Variants in ANKIB1 observed in about 807,000 individuals in gnomAD.
The protein encoded by ANKIB1 is ankyrin repeat and IBR domain-containing protein 1.
In ANKIB1, 43 loss-of-function variants were observed where a neutral mutation model predicts 122.1. The observed-to-expected ratio is 0.35, with a 90% CI of 0.28 to 0.45. ANKIB1 has a LOEUF of 0.45. ANKIB1 is among the 20% of genes least tolerant of loss of function. ANKIB1 has a pLI of 1.00. For missense variants in ANKIB1, 992 were observed against 1,329.5 expected (o/e 0.75, Z 3.95); for synonymous variants, 390 against 442.0 (o/e 0.88, Z 1.48).
chr7:92,373,956 G>A (rs1384912826), intron 11 of ANKIB1, among the ~76,000 whole-genome samples: 3 of 151,984 alleles, frequency 2.0e-5, no homozygotes, highest in Admixed American at 6.6e-5. Context: ...ATGCTATAAC[G>A]TTTTTTCCAT....
intron 14 of ANKIB1, among the ~76,000 whole-genome samples, chr7:92,388,926 A>G (rs1025273453): frequency 2.0e-5 from 3 of 152,224 alleles, no homozygotes; most frequent in Admixed American, 6.5e-5. Flanking sequence ...GGCAATATCA[A>G]ACTCTTGAAG....
At chr7:92,355,432 C>G (rs1281401536) in intron 9 of ANKIB1, among the ~76,000 whole-genome samples, 1 of 152,190 alleles carries the variant, frequency 6.6e-6, no homozygotes, top group Non-Finnish European at 1.5e-5. Flanking sequence ...TCTTTTTACT[C>G]TGGTCCCTTT....
intron 1 of ANKIB1, among the ~76,000 whole-genome samples, chr7:92,284,745 G>C (rs1802082376): frequency 6.6e-6 from 1 of 151,502 alleles, no homozygotes; most frequent in African/African-American, 2.4e-5. Flanking sequence ...AATGGAACTT[G>C]TGATTTACTT....
intron 11 of ANKIB1, among the ~76,000 whole-genome samples, chr7:92,381,430 A>G (rs1246198396): frequency 6.6e-6 from 1 of 152,194 alleles, no homozygotes. Flanking sequence ...ACCCCAAGGC[A>G]CATAATTGTC....
Position 92,343,271 on chromosome 7 carries a change from T to G in ANKIB1, c.996+39T>G, listed in dbSNP as rs1447181519. 3 of 1,531,324 alleles carry G rather than the reference T, an allele frequency of 2.0e-6. No homozygotes were observed. In the Admixed American group the frequency reaches 5.4e-5, roughly 28 times the overall value. The allele number at this position is 1,531,324 out of a possible 1,614,324, so 94.9% of individuals were successfully genotyped here. ...TTCACTGTACTTCTCATAGCTTTGTTTATAGTCTTTTAACATTCAAATGAT... is the reference window on the plus strand; with the variant it reads ...TTCACTGTACTTCTCATAGCTTTGTGTATAGTCTTTTAACATTCAAATGAT... On this transcript the variant is annotated intron_variant, in intron 6 of 19. Coordinates refer to ENST00000265742, the MANE Select transcript of ANKIB1 (RefSeq NM_019004.2).
intron 2 of ANKIB1, among the ~76,000 whole-genome samples, chr7:92,296,424 C>T (rs1211155803): frequency 6.6e-6 from 1 of 152,030 alleles, no homozygotes; most frequent in African/African-American, 2.4e-5. Context: ...TGGGATCTTG[C>T]TGTGTTGCCC....
chr7:92,325,858 C>G (rs1803017082), intron 4 of ANKIB1: 1 of 414,170 alleles, frequency 2.4e-6, no homozygotes, highest in Non-Finnish European at 4.8e-6. Context: ...GTAGTATGCA[C>G]TAATGCAAAA....
intron 7 of ANKIB1, among the ~76,000 whole-genome samples, chr7:92,350,063 C>G (rs1421296926): frequency 6.6e-6 from 1 of 151,428 alleles, no homozygotes; most frequent in Non-Finnish European, 1.5e-5. Flanking sequence ...TTTAATCTAA[C>G]CTTGGGCTAG....
intron 2 of ANKIB1, among the ~76,000 whole-genome samples, chr7:92,296,659 A>C (rs1289113910): frequency 6.6e-6 from 1 of 152,104 alleles, no homozygotes; most frequent in Admixed American, 6.6e-5. Flanking sequence ...ATATTTTACA[A>C]TTTTGTATAG....
At chr7:92,280,758 A>C (rs868090096) in intron 1 of ANKIB1, among the ~76,000 whole-genome samples, 15 of 152,210 alleles carry the variant, frequency 9.9e-5, no homozygotes, top group African/African-American at 3.6e-4. Context: ...TCTCGCTGAC[A>C]ACTTTTATCT....
intron 1 of ANKIB1, among the ~76,000 whole-genome samples, chr7:92,280,216 CA>C: frequency 6.6e-6 from 1 of 152,220 alleles, no homozygotes. Context: ...CATTTTACAT[CA>C]CTTTCATCAT....
rs147047351 is a variant in ANKIB1 at position 92,391,684 on chromosome 7, C to T, written c.2231+340C>T. ...TGATTTGATAGTTATAAACATCTTACGATGTAGAATTTGGAAACTTTGCCA... is the reference window on the plus strand; with the variant it reads ...TGATTTGATAGTTATAAACATCTTATGATGTAGAATTTGGAAACTTTGCCA... On this transcript the variant is annotated intron_variant, in intron 16 of 19. Transcript: ENST00000265742. Among the ~76,000 whole-genome samples, 1,442 of 151,948 alleles carry T rather than the reference C, an allele frequency of 9.5e-3. 19 individuals are homozygous for T. Among genetic ancestry groups the T allele is most frequent in the African/African-American group, 0.033 (1,383 of 41,440 alleles).
Position 92,307,350 on chromosome 7 carries a change from C to A in ANKIB1, c.189-9C>A. 1 of 1,597,494 alleles carries A rather than the reference C, an allele frequency of 6.3e-7. No homozygotes were observed. Among genetic ancestry groups the A allele is most frequent in the Non-Finnish European group, 8.5e-7 (1 of 1,170,360 alleles). ...TCATCCTTTATTTTTCCCTTTCTTT[C>A]CATTTTAGGACTTTTCTTGGTAGAG... On this transcript the variant is annotated splice_polypyrimidine_tract_variant and intron_variant, in intron 2 of 19. Coordinates refer to ENST00000265742, the MANE Select transcript of ANKIB1 (RefSeq NM_019004.2).
chr7:92,398,534 C>CATCT lies in ANKIB1; in HGVS notation c.2857_2860dup (p.Ser954IlefsTer2). On this transcript the variant is annotated frameshift_variant, in exon 20 of 20. Coordinates refer to ENST00000265742, the MANE Select transcript of ANKIB1 (RefSeq NM_019004.2). LOFTEE classifies it high-confidence loss of function. ...GAGGCAAGAAGTGATTTCTGTCCCT[C>CATCT]ATCTAGTGATCCTGACTCAGCTGGC... 3 of 1,613,976 alleles carry CATCT rather than the reference C, an allele frequency of 1.9e-6. No homozygotes were observed. The highest frequency in any genetic ancestry group is 2.5e-6 in the Non-Finnish European group (3 of 1,179,870).
At chr7:92,274,822 G>A (rs1801868047) in intron 1 of ANKIB1, among the ~76,000 whole-genome samples, 1 of 152,126 alleles carries the variant, frequency 6.6e-6, no homozygotes, top group South Asian at 2.1e-4. Flanking sequence ...ATCTACATGG[G>A]AGGCTGAAGC....
At chr7:92,394,446 C>A (rs1170009942) in intron 17 of ANKIB1, among the ~76,000 whole-genome samples, 1 of 152,188 alleles carries the variant, frequency 6.6e-6, no homozygotes, top group Non-Finnish European at 1.5e-5. Context: ...AGAATGCCAT[C>A]TGAGAGTTTT....
intron 10 of ANKIB1, among the ~76,000 whole-genome samples, chr7:92,370,615 G>C (rs1159363474): frequency 6.6e-6 from 1 of 151,396 alleles, no homozygotes; most frequent in Non-Finnish European, 1.5e-5. Context: ...TAGAAGGGAG[G>C]ACTTGAAATG....
At chr7:92,279,527 T>C (rs532737345) in intron 1 of ANKIB1, among the ~76,000 whole-genome samples, 36 of 152,270 alleles carry the variant, frequency 2.4e-4, no homozygotes, top group African/African-American at 7.9e-4. Context: ...ACTGATGTTT[T>C]TCATAGTTTA....
Position 92,246,007 on chromosome 7 carries a change from C to G in ANKIB1, c.-603C>G, listed in dbSNP as rs932427766. The G allele has an allele frequency of 1.2e-4, 30 of 245,378 alleles. No individual in the cohort carries two copies. Among genetic ancestry groups the G allele is most frequent in the South Asian group, 5.9e-4 (15 of 25,380 alleles). 15.2% of individuals were successfully genotyped at this position (245,378 alleles called of 1,614,324 possible). On this transcript the variant is annotated 5_prime_UTR_variant, in exon 1 of 20. Coordinates refer to ENST00000265742, the MANE Select transcript of ANKIB1 (RefSeq NM_019004.2). ...GGCCGGGCTGCTGCCGTTCCTGCTC[C>G]TTTTCACTGGACCTGCAGTCTCTCA...
Sources: allele counts gnomAD v4.1 joint callset (sites outside exome capture counted in the v4.1 genomes callset), GRCh38; gene constraint gnomAD v4.1.1; transcripts MANE v1.5; gene names NCBI Gene and HGNC (gene_info 2026-07-23, HGNC 2026-07-21).